ZNF141: variants seen among roughly 807,000 people sequenced by gnomAD.
The protein encoded by ZNF141 is zinc finger protein 141 (clone pHZ-44).
ZNF141 carries 7 observed loss-of-function variants against 11.3 expected under a neutral mutation model. The ratio of observed to expected loss-of-function variants is 0.62; its 90% CI spans 0.35 to 1.16. ZNF141 has a LOEUF of 1.16. Among genes scored for constraint, ZNF141 ranks in the 50% most tolerant of loss-of-function variants. The pLI is 0.02. For missense variants in ZNF141, 535 were observed against 554.0 expected (o/e 0.97, Z 0.34); for synonymous variants, 183 against 190.7 (o/e 0.96, Z 0.33).
chr4:359,498 T>A (rs1225127734), intron 3 of ZNF141, among the ~76,000 whole-genome samples: 1 of 152,188 alleles, frequency 6.6e-6, no homozygotes, highest in African/African-American at 2.4e-5. Context: ...TGCTTCAGGA[T>A]ACACAGCTGA....
rs113082662 is a variant in ZNF141 at position 379,566 on chromosome 4, G to A, written c.*5704G>A. 0.039 allele frequency among the ~76,000 whole-genome samples: 5,872 copies of A among 152,072 alleles called. 371 individuals are homozygous for A. Among genetic ancestry groups the A allele is most frequent in the African/African-American group, 0.13 (5,395 of 41,468 alleles). ...ATTTTTATATTGTTAGTAGAGATGC[G>A]GTTTGACTATGTTGGCCAGGCTGGT... On this transcript the variant is annotated 3_prime_UTR_variant, in exon 4 of 4. Coordinates refer to ENST00000240499, the MANE Select transcript of ZNF141 (RefSeq NM_003441.4).
At position 373,745 on chromosome 4, in the gene ZNF141, G is replaced by A. The variant is rs548796588; in HGVS notation, c.1308G>A (p.Ser436=). 1.7e-5 allele frequency: 27 copies of A among 1,613,748 alleles called. No homozygotes were observed. The highest frequency in any genetic ancestry group is 1.7e-4 in the Middle Eastern group (1 of 6,060). The change falls in exon 4 of 4, where the codon TCG becomes TCA. Residue 436 remains serine, a synonymous_variant. Transcript: ENST00000240499. ...KECDKAFKQF[S]LLSQHKKIHT... is the part of the protein sequence containing the mutation. Reference sequence around the variant, plus strand: ...GTGACAAAGCCTTTAAACAATTTTCGCTCCTGAGTCAACATAAGAAAATTC... The same window carrying A: ...GTGACAAAGCCTTTAAACAATTTTCACTCCTGAGTCAACATAAGAAAATTC...
chr4:373,219 G>C lies in ZNF141; in HGVS notation c.782G>C (p.Gly261Ala), dbSNP rs782493779. 1.9e-6 allele frequency: 3 copies of C among 1,613,866 alleles called. No homozygotes were observed. In the African/African-American group the frequency reaches 4.0e-5, roughly 22 times the overall value. Residue 261 changes from glycine (G) to alanine (A), a missense_variant, in exon 4 of 4, where the codon GGC (glycine) becomes GCC (alanine). Gly to Ala is a moderately conservative substitution (Grantham distance 60). Transcript: ENST00000240499. ...AAACCCTATAAATGTGAAGAATGTG[G>C]CAAAGCCTTTAATAGGTTCACAACC... is the stretch of plus-strand genomic sequence containing the variant. ...GEKPYKCEEC[G>A]KAFNRFTTLT...
In ZNF141 at chr4:380,054, TTTC is replaced by T. The variant is rs1244519791; in HGVS notation, c.*6195_*6197del. Among the ~76,000 whole-genome samples the T allele has an allele frequency of 6.6e-6, 1 of 152,220 alleles. No individual in the cohort carries two copies. The highest frequency in any genetic ancestry group is 1.5e-5 in the Non-Finnish European group (1 of 68,038). On this transcript the variant is annotated 3_prime_UTR_variant, in exon 4 of 4. Transcript: ENST00000240499. ...TTACAGACATGTCTCCAGATGCCCC[TTTC>T]TTGTAAATACCCAAGCATCTGGTAA... is the stretch of plus-strand genomic sequence containing the variant.
chr4:349,625 T>A (rs2108691747), intron 3 of ZNF141, among the ~76,000 whole-genome samples: 1 of 152,288 alleles, frequency 6.6e-6, no homozygotes, highest in East Asian at 1.9e-4. Flanking sequence ...CAGGTAAAGA[T>A]CTCCTTTTGT....
intron 3 of ZNF141, among the ~76,000 whole-genome samples, chr4:363,280 G>A (rs967465143): frequency 1.3e-5 from 2 of 152,140 alleles, no homozygotes; most frequent in Non-Finnish European, 2.9e-5. Context: ...GGGCTGAGAC[G>A]ATGGGGTTTT....
chr4:369,765 T>TATATATATATATATATATATATATA (rs59617897), intron 3 of ZNF141, among the ~76,000 whole-genome samples: 1 of 26,470 alleles, frequency 3.8e-5, no homozygotes, highest in Non-Finnish European at 6.3e-5. Context: ...TATATATATA[T>TATATATATATATATATATATATATA]TTTTTTTTTT....
chr4:358,723 A>G (rs961162659), intron 3 of ZNF141, among the ~76,000 whole-genome samples: 1 of 151,694 alleles, frequency 6.6e-6, no homozygotes, highest in Non-Finnish European at 1.5e-5. Context: ...GATTACAGGA[A>G]TGTGCCACCA....
At chr4:344,029 C>A in intron 2 of ZNF141, 121 bp downstream of exon 2, 1 of 1,363,646 alleles carries the variant, frequency 7.3e-7, no homozygotes, top group Non-Finnish European at 9.9e-7. Flanking sequence ...TTTTCTTGAG[C>A]TAATTTGAGT....
In ZNF141 at chr4:383,362, C is replaced by A. The variant is rs1581639723; in HGVS notation, c.*9500C>A. 6.0e-6 allele frequency: 3 copies of A among 495,936 alleles called. No individual in the cohort carries two copies. Among genetic ancestry groups the A allele is most frequent in the African/African-American group, 1.9e-5 (1 of 51,284 alleles). The allele number at this position is 495,936 out of a possible 1,614,324, so 30.7% of individuals were successfully genotyped here. A position where few individuals can be genotyped will look rare whatever the true frequency, so the allele number is the denominator to read the frequency against. The stretch of plus-strand genomic sequence containing the variant: ...AGTTATAAGTTAGTAATATATACAC[C>A]CATTAAAGACAGGATCTCAGGACAG... On this transcript the variant is annotated 3_prime_UTR_variant, in exon 4 of 4. Coordinates refer to ENST00000240499, the MANE Select transcript of ZNF141 (RefSeq NM_003441.4).
intron 3 of ZNF141, among the ~76,000 whole-genome samples, chr4:349,056 ACTTT>A (rs1413914445): frequency 5.9e-5 from 9 of 152,054 alleles, no homozygotes; most frequent in African/African-American, 1.7e-4. Flanking sequence ...ATTTTGATTA[ACTTT>A]CTTATTTTTA....
chr4:344,677 C>T (rs1301477802), intron 3 of ZNF141, among the ~76,000 whole-genome samples: 1 of 152,104 alleles, frequency 6.6e-6, no homozygotes, highest in Non-Finnish European at 1.5e-5. Flanking sequence ...ACCTGGAGTC[C>T]CAGCTACTCG....
Position 376,369 on chromosome 4 carries a change from T to G in ZNF141, c.*2507T>G, listed in dbSNP as rs532668667. On this transcript the variant is annotated 3_prime_UTR_variant, in exon 4 of 4. Coordinates refer to ENST00000240499, the MANE Select transcript of ZNF141 (RefSeq NM_003441.4). ...ATATTTATCTATGGCATATATGGGTTATTTTCTTATACAGGCATACAACAT... is the reference window on the plus strand; with the variant it reads ...ATATTTATCTATGGCATATATGGGTGATTTTCTTATACAGGCATACAACAT... 1.3e-5 allele frequency among the ~76,000 whole-genome samples: 2 copies of G among 152,200 alleles called. No individual in the cohort carries two copies. The highest frequency in any genetic ancestry group is 1.3e-4 in the Admixed American group (2 of 15,296).
At chr4:367,631 C>T (rs1711812543) in intron 3 of ZNF141, among the ~76,000 whole-genome samples, 1 of 151,722 alleles carries the variant, frequency 6.6e-6, no homozygotes, top group African/African-American at 2.4e-5. Flanking sequence ...ATTCTTCTGC[C>T]TCAGCCTCCT....
At chr4:372,075 AG>A (rs1560198151) in intron 3 of ZNF141, among the ~76,000 whole-genome samples, 1 of 152,192 alleles carries the variant, frequency 6.6e-6, no homozygotes, top group East Asian at 1.9e-4. Context: ...TTCAGTTAAA[AG>A]GGTTTGTTCA....
intron 1 of ZNF141, among the ~76,000 whole-genome samples, chr4:341,148 A>G (rs905351507): frequency 1.3e-5 from 2 of 151,670 alleles, no homozygotes; most frequent in Non-Finnish European, 2.9e-5. Context: ...GCTCACTGCA[A>G]CCTCCGCCTC....
intron 3 of ZNF141, among the ~76,000 whole-genome samples, chr4:350,570 T>A (rs1553850293): frequency 6.6e-6 from 1 of 152,210 alleles, no homozygotes; most frequent in Non-Finnish European, 1.5e-5. Flanking sequence ...TTATACGGTT[T>A]GGATCTATGT....
chr4:373,737 C>A lies in ZNF141; in HGVS notation c.1300C>A (p.Gln434Lys). The A allele has an allele frequency of 6.2e-7, 1 of 1,614,084 alleles. No individual in the cohort carries two copies. The highest frequency in any genetic ancestry group is 8.5e-7 in the Non-Finnish European group (1 of 1,179,986). ...TAAAGAATGTGACAAAGCCTTTAAA[C>A]AATTTTCGCTCCTGAGTCAACATAA... ...KCKECDKAFK[Q>K]FSLLSQHKKI... Residue 434 changes from glutamine to lysine, a missense_variant, in exon 4 of 4, where the codon CAA (glutamine) becomes AAA (lysine). Transcript: ENST00000240499.
intron 1 of ZNF141, 21 bp downstream of exon 1, chr4:338,007 G>A (rs781950056): frequency 4.3e-6 from 7 of 1,612,808 alleles, no homozygotes. Flanking sequence ...GGGGCAGGGC[G>A]TCCCAAGGCT....
Sources: gnomAD v4.1 joint callset for allele counts (sites outside exome capture counted in the v4.1 genomes callset) on GRCh38, gnomAD v4.1.1 for gene constraint, MANE v1.5 for transcripts, NCBI Gene and HGNC (gene_info 2026-07-23, HGNC 2026-07-21) for gene names.